TENM4: variants seen among roughly 807,000 people sequenced by gnomAD.
The protein encoded by TENM4 is teneurin transmembrane protein 4.
A neutral mutation model predicts 243.3 loss-of-function variants in TENM4; 82 were observed. The observed-to-expected ratio is 0.34, with a 90% CI of 0.28 to 0.40. TENM4 has a LOEUF of 0.40. TENM4 is among the 10% of genes least tolerant of loss of function. The pLI is 1.00. For synonymous variants in TENM4, 1,412 were observed against 1,456.3 expected, an observed-to-expected ratio of 0.97 and a Z score of 0.69; for missense variants, 3,138 against 3,673.3, an observed-to-expected ratio of 0.85 and a Z score of 3.77.
intron 1 of TENM4, among the ~76,000 whole-genome samples, chr11:79,412,222 T>C (rs1253064202): frequency 6.6e-6 from 1 of 152,206 alleles, no homozygotes; most frequent in Non-Finnish European, 1.5e-5. Context: ...AGCATCCGCA[T>C]CACTGAAAGC....
At chr11:79,274,805 C>T (rs144581497) in intron 2 of TENM4, among the ~76,000 whole-genome samples, 4 of 152,292 alleles carry the variant, frequency 2.6e-5, no homozygotes, top group African/African-American at 9.6e-5. Context: ...CTTAGTTTGG[C>T]TGGGAAATGA....
At chr11:79,288,075 G>A (rs1388538504) in intron 2 of TENM4, among the ~76,000 whole-genome samples, 1 of 152,230 alleles carries the variant, frequency 6.6e-6, no homozygotes. Context: ...CTTCCTTGAA[G>A]GAGAAGGATG....
At chr11:78,807,846 C>T (rs1164303336) in intron 14 of TENM4, among the ~76,000 whole-genome samples, 1 of 152,172 alleles carries the variant, frequency 6.6e-6, no homozygotes, top group Admixed American at 6.5e-5. Context: ...TGTACTGGTT[C>T]TAGGTCCATG....
intron 6 of TENM4, among the ~76,000 whole-genome samples, chr11:78,964,035 A>AATTTTT (rs1565146105): frequency 4.2e-5 from 4 of 96,284 alleles, no homozygotes; most frequent in African/African-American, 1.3e-4. Context: ...CCACACCCAG[A>AATTTTT]CTTTTTTTTT....
At chr11:79,437,546 G>C (rs1215035795) in intron 1 of TENM4, among the ~76,000 whole-genome samples, 1 of 152,196 alleles carries the variant, frequency 6.6e-6, no homozygotes, top group African/African-American at 2.4e-5. Flanking sequence ...GGTTCGCACC[G>C]CTGCTCCGGC....
chr11:78,883,816 C>T (rs1029152264), intron 9 of TENM4, among the ~76,000 whole-genome samples: 3 of 152,176 alleles, frequency 2.0e-5, no homozygotes, highest in Non-Finnish European at 2.9e-5. Flanking sequence ...TTGCAGCTGA[C>T]GATTCTTCTT....
At chr11:78,863,624 T>G (rs1858881754) in intron 9 of TENM4, among the ~76,000 whole-genome samples, 1 of 152,228 alleles carries the variant, frequency 6.6e-6, no homozygotes, top group African/African-American at 2.4e-5. Context: ...AAATGTAAGT[T>G]AGACTCTGAA....
intron 6 of TENM4, among the ~76,000 whole-genome samples, chr11:78,920,043 C>T (rs1305266279): frequency 6.6e-6 from 1 of 152,148 alleles, no homozygotes; most frequent in Non-Finnish European, 1.5e-5. Context: ...CGAGATGCCT[C>T]TTATTTATCA....
rs368891387 is a variant in TENM4 at position 79,158,693 on chromosome 11, A to G, written c.-162-9887T>C. ...CTGTCACATTTACGCCTCAATCAAC[A>G]TGTGATATATGCATGATATTATCCT... On this transcript the variant is annotated intron_variant, in intron 3 of 33. Coordinates refer to ENST00000278550, the MANE Select transcript of TENM4 (RefSeq NM_001098816.3). Among the ~76,000 whole-genome samples, 162 of 152,322 alleles carry G rather than the reference A, an allele frequency of 1.1e-3. 1 individual carries two copies. The highest frequency in any genetic ancestry group is 3.7e-3 in the African/African-American group (154 of 41,568).
At chr11:79,014,482 C>T (rs1858724964) in intron 6 of TENM4, 1 of 152,208 alleles carries the variant, frequency 6.6e-6, no homozygotes, top group Non-Finnish European at 1.5e-5. Flanking sequence ...ACAGCATATG[C>T]ACATTCTAAT....
chr11:79,001,263 T>C (rs1858317257), intron 6 of TENM4, among the ~76,000 whole-genome samples: 1 of 152,080 alleles, frequency 6.6e-6, no homozygotes, highest in Non-Finnish European at 1.5e-5. Flanking sequence ...TCAGGAAGAC[T>C]GATACATTCT....
chr11:79,278,802 C>G (rs1036955856), intron 2 of TENM4, among the ~76,000 whole-genome samples: 3 of 152,042 alleles, frequency 2.0e-5, no homozygotes, highest in African/African-American at 7.3e-5. Context: ...TACATGTGCA[C>G]GAGGGACAGA....
At chr11:78,909,085 A>C (rs1856125356) in intron 6 of TENM4, among the ~76,000 whole-genome samples, 1 of 152,256 alleles carries the variant, frequency 6.6e-6, no homozygotes, top group Non-Finnish European at 1.5e-5. Context: ...AGTAATGGCA[A>C]TAAAAGGAAG....
chr11:79,317,411 C>G (rs927789057), intron 1 of TENM4, among the ~76,000 whole-genome samples: 1 of 152,162 alleles, frequency 6.6e-6, no homozygotes, highest in African/African-American at 2.4e-5. Context: ...AGGGCGCAGA[C>G]AGGCTATCTA....
chr11:78,926,084 G>C (rs1856546181), intron 6 of TENM4, among the ~76,000 whole-genome samples: 1 of 152,104 alleles, frequency 6.6e-6, no homozygotes, highest in Non-Finnish European at 1.5e-5. Flanking sequence ...AGAGAAGGTA[G>C]TGTGGGAATC....
At position 78,669,822 on chromosome 11, in the gene TENM4, GC is replaced by G; in HGVS notation, c.6522del (p.Arg2175GlufsTer2). ...ACCTTCAGCTCCTTCTTCACTACTC[GC>G]CCCATGTTATCATACTGGACGGTCA... ...YWMTVQYDNM[G>X]RVVKKELKVG... On this transcript the variant is annotated frameshift_variant, in exon 32 of 34. Transcript: ENST00000278550. LOFTEE classifies it high-confidence loss of function. This position sits in a 1 kb window ranked among gnomAD's most constrained non-coding sequence, Gnocchi z 6.4. 1 of 1,613,758 alleles carries G rather than the reference GC, an allele frequency of 6.2e-7. No homozygotes were observed. The highest frequency in any genetic ancestry group is 1.3e-5 in the African/African-American group (1 of 74,998).
chr11:79,018,406 C>T (rs1487292112), intron 6 of TENM4, among the ~76,000 whole-genome samples: 1 of 152,120 alleles, frequency 6.6e-6, no homozygotes, highest in African/African-American at 2.4e-5. Flanking sequence ...AAGGTTGCTT[C>T]CTGGCTCCTG....
chr11:79,277,664 T>C (rs1856082343), intron 2 of TENM4, among the ~76,000 whole-genome samples: 1 of 152,172 alleles, frequency 6.6e-6, no homozygotes, highest in South Asian at 2.1e-4. Context: ...AGTGAGGGGA[T>C]GTGAACTGGG....
In TENM4 at chr11:79,215,905, CT is replaced by C; in HGVS notation, c.-261del. ...TGGATCCTGGAGGATGGTGCGGGAT[CT>C]TTTCTGTTGAAGCAGAGAACACAGA... On this transcript the variant is annotated 5_prime_UTR_variant, in exon 3 of 34. Transcript: ENST00000278550. 1.0e-6 allele frequency: 1 copy of C among 978,924 alleles called. No homozygotes were observed. 60.6% of individuals were successfully genotyped at this position (978,924 alleles called of 1,614,324 possible).
Sources: gnomAD v4.1 joint callset for allele counts (sites outside exome capture counted in the v4.1 genomes callset) on GRCh38, gnomAD v4.1.1 for gene constraint, Gnocchi (gnomAD v3.1) non-coding constraint, MANE v1.5 for transcripts, NCBI Gene and HGNC (gene_info 2026-07-23, HGNC 2026-07-21) for gene names.